The following SMIM31 variants were observed in gnomAD, a reference collection of about 807,000 sequenced individuals.
SMIM31 encodes small integral membrane protein 31, also known as human epithelial cell program regulator.
At chr4:164,797,790 A>G (rs933054389) in intron 2 of SMIM31, among the ~76,000 whole-genome samples, 1 of 152,026 alleles carries the variant, frequency 6.6e-6, no homozygotes, top group Non-Finnish European at 1.5e-5. Flanking sequence ...ACATGCATAT[A>G]CTGCACAGTG....
At chr4:164,754,551 A>ATTTTTTT (rs57916805) in intron 1 of SMIM31, 140 bp downstream of exon 1, 14 of 55,620 alleles carry the variant, frequency 2.5e-4, no homozygotes, top group African/African-American at 6.4e-4. Context: ...TCCTGGAGGT[A>ATTTTTTT]TTTTTTTTTT....
At chr4:164,790,166 C>T (rs1169693210) in intron 2 of SMIM31, among the ~76,000 whole-genome samples, 1 of 152,176 alleles carries the variant, frequency 6.6e-6, no homozygotes, top group Non-Finnish European at 1.5e-5. Flanking sequence ...GCACATTTTA[C>T]TAAGCAAAAT....
intron 1 of SMIM31, among the ~76,000 whole-genome samples, chr4:164,769,613 G>T (rs949304639): frequency 8.9e-6 from 1 of 112,732 alleles, no homozygotes; most frequent in Admixed American, 1.0e-4. Flanking sequence ...GGGGAGGGGG[G>T]AGGGATAGCA....
rs1445547865 is a variant in SMIM31 at position 164,803,769 on chromosome 4, T to C, written c.*2575T>C. The stretch of plus-strand genomic sequence containing the variant: ...AAGATTGCGCCATTGCTCTCCAGCC[T>C]GGGGAGCAAATGCAAAACTCCATTT... On this transcript the variant is annotated 3_prime_UTR_variant, in exon 3 of 3. Transcript: ENST00000507311. The C allele has an allele frequency of 6.6e-6, 1 of 152,144 alleles. No homozygotes were observed. Among genetic ancestry groups the C allele is most frequent in the East Asian group, 1.9e-4 (1 of 5,196 alleles). 9.4% of individuals were successfully genotyped at this position (152,144 alleles called of 1,614,324 possible). A position where few individuals can be genotyped will look rare whatever the true frequency, so the allele number is the denominator to read the frequency against.
At chr4:164,795,290 A>G (rs7660690) in intron 2 of SMIM31, among the ~76,000 whole-genome samples, 110,652 of 152,116 alleles carry the variant, frequency 0.73, 40,763 homozygotes, top group Non-Finnish European at 0.8. Context: ...AGGCGCCATG[A>G]CTTACACCTG....
At chr4:164,756,879 C>A (rs1332630292) in intron 1 of SMIM31, among the ~76,000 whole-genome samples, 1 of 152,102 alleles carries the variant, frequency 6.6e-6, no homozygotes, top group Non-Finnish European at 1.5e-5. Context: ...TATGAATAAG[C>A]CTGCTATGGG....
chr4:164,786,693 G>T (rs574472233), intron 2 of SMIM31, among the ~76,000 whole-genome samples: 1 of 152,210 alleles, frequency 6.6e-6, no homozygotes, highest in Non-Finnish European at 1.5e-5. Context: ...TAGTGGCAAG[G>T]CTTTATAGGT....
At chr4:164,781,001 G>A (rs1055913556) in intron 2 of SMIM31, among the ~76,000 whole-genome samples, 3 of 152,012 alleles carry the variant, frequency 2.0e-5, no homozygotes, top group African/African-American at 7.3e-5. Context: ...ACAGACAGGG[G>A]TCTTGCTATG....
At chr4:164,782,899 A>C (rs1732973693) in intron 2 of SMIM31, among the ~76,000 whole-genome samples, 1 of 151,998 alleles carries the variant, frequency 6.6e-6, no homozygotes, top group Admixed American at 6.6e-5. Context: ...AATTTATTGG[A>C]TCTCTTAAAT....
chr4:164,782,149 G>C (rs1267742626), intron 2 of SMIM31, among the ~76,000 whole-genome samples: 1 of 151,752 alleles, frequency 6.6e-6, no homozygotes, highest in Non-Finnish European at 1.5e-5. Context: ...AATTAGTCGG[G>C]GGTGGTGGCA....
chr4:164,759,123 AT>A (rs1732612709), intron 1 of SMIM31, among the ~76,000 whole-genome samples: 1 of 151,630 alleles, frequency 6.6e-6, no homozygotes, highest in Non-Finnish European at 1.5e-5. Flanking sequence ...TCTTATTAGG[AT>A]TTTTGTGTTT....
intron 2 of SMIM31, among the ~76,000 whole-genome samples, chr4:164,799,544 G>T (rs180715509): frequency 5.0e-4 from 76 of 152,146 alleles, no homozygotes; most frequent in Middle Eastern, 3.4e-3. Flanking sequence ...AAAACAGGAG[G>T]AATTCCTCCT....
chr4:164,780,331 G>A (rs933623975), intron 2 of SMIM31, among the ~76,000 whole-genome samples: 2 of 152,342 alleles, frequency 1.3e-5, no homozygotes, highest in South Asian at 4.1e-4. Flanking sequence ...GGAGGCTGAG[G>A]CAGGAGAACT....
chr4:164,762,482 C>T (rs776610783), intron 1 of SMIM31, among the ~76,000 whole-genome samples: 4 of 151,708 alleles, frequency 2.6e-5, no homozygotes, highest in Admixed American at 6.6e-5. Context: ...TTCGGGAAGC[C>T]GAGGCAGGCA....
intron 1 of SMIM31, among the ~76,000 whole-genome samples, chr4:164,764,788 A>C (rs1451622695): frequency 6.6e-6 from 1 of 152,170 alleles, no homozygotes; most frequent in Non-Finnish European, 1.5e-5. Flanking sequence ...GCAACATGAC[A>C]AATTCCTGGT....
intron 2 of SMIM31, among the ~76,000 whole-genome samples, chr4:164,778,326 T>TA (rs35347099): frequency 0.31 from 46,789 of 150,414 alleles, 8,792 homozygotes; most frequent in South Asian, 0.46. Context: ...GTAAACAGAT[T>TA]AAAAAAAAAA....
chr4:164,776,951 C>T (rs545805150), intron 2 of SMIM31, among the ~76,000 whole-genome samples: 59 of 152,302 alleles, frequency 3.9e-4, no homozygotes, highest in African/African-American at 1.4e-3. Flanking sequence ...TAATGCTACA[C>T]TAAATCTAAA....
At chr4:164,789,686 A>T (rs1264400301) in intron 2 of SMIM31, among the ~76,000 whole-genome samples, 1 of 152,214 alleles carries the variant, frequency 6.6e-6, no homozygotes. Context: ...AATTTTATTA[A>T]TCTGACGCTT....
chr4:164,771,341 AAAGAGT>A (rs1732799109), intron 2 of SMIM31, among the ~76,000 whole-genome samples: 1 of 152,216 alleles, frequency 6.6e-6, no homozygotes, highest in African/African-American at 2.4e-5. Context: ...TGGCTAAAAG[AAAGAGT>A]AAAACCAAAA....
Sources: allele counts gnomAD v4.1 joint callset (sites outside exome capture counted in the v4.1 genomes callset), GRCh38; gene constraint gnomAD v4.1.1; transcripts MANE v1.5; gene names NCBI Gene and HGNC (gene_info 2026-07-23, HGNC 2026-07-21).